Variants in EYS observed in about 807,000 individuals in gnomAD.
The protein encoded by EYS is protein eyes shut homolog.
EYS carries 250 observed loss-of-function variants against 282.1 expected under a neutral mutation model. That is an observed-to-expected ratio of 0.89 (90% CI 0.80 to 0.98). The LOEUF is 0.98. Among genes scored for constraint, EYS ranks in the 50% least tolerant of loss-of-function variants. The probability of loss-of-function intolerance (pLI) is 0.00; values close to 1 mark genes in which losing one functional copy is unlikely to be tolerated. For synonymous variants in EYS, 1,355 were observed against 1,282.9 expected (o/e 1.06, Z -1.20); for missense variants, 4,016 against 3,709.0 (o/e 1.08, Z -2.15).
intron 29 of EYS, among the ~76,000 whole-genome samples, chr6:64,342,577 G>C (rs1438791535): frequency 6.6e-6 from 1 of 151,946 alleles, no homozygotes; most frequent in Admixed American, 6.6e-5. Flanking sequence ...ACTAAACATG[G>C]AAAGGAACAA....
At chr6:65,685,578 T>TA (rs1562327596) in intron 1 of EYS, among the ~76,000 whole-genome samples, 1 of 152,060 alleles carries the variant, frequency 6.6e-6, no homozygotes, top group Admixed American at 6.6e-5. Context: ...TTATATCACA[T>TA]AGAGTTCAAC....
chr6:64,238,476 A>G (rs1456745750), intron 30 of EYS, among the ~76,000 whole-genome samples: 1 of 152,034 alleles, frequency 6.6e-6, no homozygotes, highest in African/African-American at 2.4e-5. Flanking sequence ...CTGGGATTTT[A>G]ATGTACCCCT....
intron 19 of EYS, among the ~76,000 whole-genome samples, chr6:64,856,895 T>C (rs141834150): frequency 1.9e-3 from 292 of 152,322 alleles, no homozygotes; most frequent in Non-Finnish European, 3.0e-3. Flanking sequence ...CTATGTTAAT[T>C]TTCAGAAGTT....
intron 5 of EYS, among the ~76,000 whole-genome samples, chr6:65,416,678 C>A (rs1421179552): frequency 1.3e-5 from 2 of 151,904 alleles, no homozygotes; most frequent in African/African-American, 2.4e-5. Flanking sequence ...GATGAAGTGT[C>A]AAAAATTTCC....
At chr6:64,792,306 G>C (rs1426276652) in intron 22 of EYS, among the ~76,000 whole-genome samples, 3 of 151,828 alleles carry the variant, frequency 2.0e-5, no homozygotes, top group African/African-American at 4.8e-5. Flanking sequence ...TAATGTTCTG[G>C]ATCAGCATTA....
At chr6:65,651,188 G>A (rs1767639038) in intron 1 of EYS, among the ~76,000 whole-genome samples, 1 of 151,930 alleles carries the variant, frequency 6.6e-6, no homozygotes, top group South Asian at 2.1e-4. Flanking sequence ...CTCCAAATGG[G>A]TGGAAATCAA....
At chr6:64,381,592 G>C (rs1409133463) in intron 29 of EYS, among the ~76,000 whole-genome samples, 2 of 152,132 alleles carry the variant, frequency 1.3e-5, no homozygotes, top group Admixed American at 6.5e-5. Context: ...ACTACTGTAA[G>C]TGGACGTTAT....
intron 1 of EYS, among the ~76,000 whole-genome samples, chr6:65,674,992 T>C (rs1465733260): frequency 6.6e-6 from 1 of 151,874 alleles, no homozygotes; most frequent in Non-Finnish European, 1.5e-5. Context: ...AGGAAGTAAA[T>C]ATGTAAAGTT....
At chr6:64,314,320 A>G (rs1015071074) in intron 29 of EYS, among the ~76,000 whole-genome samples, 20 of 152,086 alleles carry the variant, frequency 1.3e-4, no homozygotes, top group Non-Finnish European at 2.8e-4. Flanking sequence ...GATTAATGCA[A>G]CAGGAAGAGC....
chr6:64,544,460 A>C (rs1270737001), intron 26 of EYS, among the ~76,000 whole-genome samples: 1 of 152,190 alleles, frequency 6.6e-6, no homozygotes, highest in Non-Finnish European at 1.5e-5. Flanking sequence ...GACTGGAGAG[A>C]GAAAGGAAAA....
At chr6:65,382,586 G>A (rs1276895593) in intron 8 of EYS, among the ~76,000 whole-genome samples, 1 of 151,132 alleles carries the variant, frequency 6.6e-6, no homozygotes, top group East Asian at 2.0e-4. Flanking sequence ...ATATGAAAAG[G>A]GGAGTTTATT....
intron 2 of EYS, among the ~76,000 whole-genome samples, chr6:65,573,840 T>G (rs1764563954): frequency 6.6e-6 from 1 of 152,130 alleles, no homozygotes; most frequent in African/African-American, 2.4e-5. Flanking sequence ...CTCAACTATT[T>G]CATGAGTATA....
chr6:65,611,680 T>C (rs1766007719), intron 2 of EYS, among the ~76,000 whole-genome samples: 1 of 152,120 alleles, frequency 6.6e-6, no homozygotes, highest in Admixed American at 6.6e-5. Flanking sequence ...ATTTGCGATT[T>C]ATCGCAAGAT....
intron 33 of EYS, among the ~76,000 whole-genome samples, chr6:64,050,093 T>C (rs1339381081): frequency 1.3e-5 from 2 of 152,210 alleles, no homozygotes; most frequent in Non-Finnish European, 2.9e-5. Context: ...TTTTAAAACA[T>C]GTTATTATAG....
chr6:64,448,743 C>A (rs1331027192), intron 26 of EYS, among the ~76,000 whole-genome samples: 3 of 152,182 alleles, frequency 2.0e-5, no homozygotes, highest in Non-Finnish European at 4.4e-5. Flanking sequence ...CTCAGGCAAA[C>A]AGGGTCTGGA....
rs10640761 is a variant in EYS at position 64,274,481 on chromosome 6, G to GTTTTTTTTTTTTTTTTT, written c.6191+32472_6191+32488dup. Reference sequence around the variant, plus strand: ...CAGGCGCGAGCCACCACGCCTGGCCGTTTTTTTTTTTTTTTTTTTTTTACA... The same window carrying GTTTTTTTTTTTTTTTTT: ...CAGGCGCGAGCCACCACGCCTGGCCGTTTTTTTTTTTTTTTTTTTTTTTTTTTTTTTTTTTTTTTACA... On this transcript the variant is annotated intron_variant, in intron 30 of 42. Transcript: ENST00000503581. 2.8e-4 allele frequency among the ~76,000 whole-genome samples: 26 copies of GTTTTTTTTTTTTTTTTT among 92,226 alleles called. 1 individual carries two copies. The highest frequency in any genetic ancestry group is 1.2e-3 in the African/African-American group (25 of 21,202). 60.5% of individuals were successfully genotyped at this position (92,226 alleles called of 152,430 possible).
chr6:65,250,335 A>T (rs901367020), intron 12 of EYS, among the ~76,000 whole-genome samples: 9 of 152,028 alleles, frequency 5.9e-5, no homozygotes. Flanking sequence ...TGGCTAAAAA[A>T]AAATAAGTCT....
chr6:64,473,380 T>C (rs1341437726), intron 26 of EYS, among the ~76,000 whole-genome samples: 1 of 152,152 alleles, frequency 6.6e-6, no homozygotes, highest in African/African-American at 2.4e-5. Context: ...TACAAGTAAA[T>C]ACTTTAACAT....
chr6:65,570,121 A>C (rs1421250051), intron 2 of EYS, among the ~76,000 whole-genome samples: 1 of 114,916 alleles, frequency 8.7e-6, no homozygotes, highest in Non-Finnish European at 1.8e-5. Flanking sequence ...GGTGGAAAAT[A>C]AAAAATAAAA....
Sources: allele counts gnomAD v4.1 joint callset (sites outside exome capture counted in the v4.1 genomes callset), GRCh38; gene constraint gnomAD v4.1.1; transcripts MANE v1.5; gene names NCBI Gene and HGNC (gene_info 2026-07-23, HGNC 2026-07-21).